The following RBM27 variants were observed in gnomAD, a reference collection of about 807,000 sequenced individuals.
RBM27 encodes RNA-binding protein 27.
RBM27 carries 22 observed loss-of-function variants against 135.3 expected under a neutral mutation model. The observed-to-expected ratio is 0.16, with a 90% confidence interval of 0.12 to 0.23. The LOEUF (loss-of-function observed/expected upper bound fraction) is 0.23. Among genes scored for constraint, RBM27 ranks in the 10% least tolerant of loss-of-function variants. RBM27 has a pLI of 1.00. For synonymous variants in RBM27, 481 were observed against 442.4 expected (o/e 1.09, Z -1.10); for missense variants, 1,009 against 1,281.0 (o/e 0.79, Z 3.24).
intron 3 of RBM27, 80 bp downstream of exon 3, chr5:146,223,607 T>A: frequency 6.9e-7 from 1 of 1,457,436 alleles, no homozygotes; most frequent in Non-Finnish European, 9.2e-7. Flanking sequence ...TTGAGCCTTT[T>A]AAAAGTAATT....
chr5:146,252,722 G>C (rs1043431626), intron 9 of RBM27, among the ~76,000 whole-genome samples: 4 of 152,160 alleles, frequency 2.6e-5, no homozygotes, highest in African/African-American at 9.7e-5. Flanking sequence ...TTCAAACTGT[G>C]TCATCCTTAA....
intron 13 of RBM27, 130 bp from the exon 14 acceptor site, chr5:146,263,361 A>G: frequency 1.2e-6 from 1 of 832,430 alleles, no homozygotes; most frequent in Non-Finnish European, 1.8e-6. Flanking sequence ...ATAAAACCTT[A>G]CGGATAATTG....
chr5:146,261,488 A>G (rs770645232), intron 12 of RBM27, 22 bp from the exon 13 acceptor site: 2 of 1,588,370 alleles, frequency 1.3e-6, no homozygotes, highest in Non-Finnish European at 1.7e-6. Flanking sequence ...TTGGGAATTT[A>G]TATTGTTTTA....
At chr5:146,270,013 A>T (rs1758794818) in intron 17 of RBM27, among the ~76,000 whole-genome samples, 1 of 152,180 alleles carries the variant, frequency 6.6e-6, no homozygotes, top group African/African-American at 2.4e-5. Context: ...TATTAAAGTG[A>T]TGGTGGTGAA....
At chr5:146,204,905 C>CT (rs200622598) in intron 1 of RBM27, among the ~76,000 whole-genome samples, 59 of 148,646 alleles carry the variant, frequency 4.0e-4, no homozygotes, top group African/African-American at 6.4e-4. Flanking sequence ...GTTTTATAAC[C>CT]TTTTTTTTTT....
At chr5:146,239,472 C>CTTTTTTTTT (rs916182587) in intron 8 of RBM27, among the ~76,000 whole-genome samples, 10 of 55,358 alleles carry the variant, frequency 1.8e-4, no homozygotes, top group African/African-American at 2.5e-4. Flanking sequence ...TTTTCCTTTT[C>CTTTTTTTTT]TTTTTTTTTT....
chr5:146,212,205 G>A lies in RBM27; in HGVS notation c.60-6780G>A, dbSNP rs185631626. 5.9e-3 allele frequency among the ~76,000 whole-genome samples: 898 copies of A among 152,126 alleles called. 9 individuals carry two copies. The highest frequency in any genetic ancestry group is 0.02 in the African/African-American group (843 of 41,506). Reference sequence around the variant, plus strand: ...CAAGTAACTGGGATTACAGGCACGCGCCACCACGCCTGGCTAATTTTTGTA... The same window carrying A: ...CAAGTAACTGGGATTACAGGCACGCACCACCACGCCTGGCTAATTTTTGTA... On this transcript the variant is annotated intron_variant, in intron 1 of 20. Coordinates refer to ENST00000265271, the MANE Select transcript of RBM27 (RefSeq NM_018989.2).
At position 146,267,785 on chromosome 5, in the gene RBM27, T is replaced by G; in HGVS notation, c.2451+17T>G. ...AAAAAACAGGTAACAGTCTTGATTC[T>G]TCTTGCCTTACAGAAGAAAAGATGC... On this transcript the variant is annotated intron_variant, in intron 15 of 20. Coordinates refer to ENST00000265271, the MANE Select transcript of RBM27 (RefSeq NM_018989.2). 6.3e-7 allele frequency: 1 copy of G among 1,596,820 alleles called. No individual in the cohort carries two copies. The highest frequency in any genetic ancestry group is 1.4e-5 in the African/African-American group (1 of 73,758).
chr5:146,208,985 ATTG>A (rs1301092094), intron 1 of RBM27, among the ~76,000 whole-genome samples: 3 of 152,140 alleles, frequency 2.0e-5, no homozygotes, highest in Non-Finnish European at 2.9e-5. Flanking sequence ...TTTAATAGAC[ATTG>A]TTGTGTGAAT....
At chr5:146,231,610 ATTTT>A (rs1455447835) in intron 6 of RBM27, among the ~76,000 whole-genome samples, 2 of 151,844 alleles carry the variant, frequency 1.3e-5, no homozygotes, top group African/African-American at 4.8e-5. Flanking sequence ...TTTTAAAAGA[ATTTT>A]ATTTATTTAT....
Position 146,230,736 on chromosome 5 carries a change from A to G in RBM27, c.669A>G (p.Pro223=), listed in dbSNP as rs781204738. 8 of 1,614,004 alleles carry G rather than the reference A, an allele frequency of 5.0e-6. No individual in the cohort carries two copies. The highest frequency in any genetic ancestry group is 4.2e-6 in the Non-Finnish European group (5 of 1,179,870). The change falls in exon 6 of 21, where the codon CCA becomes CCG. Residue 223 remains proline (P), a synonymous_variant. Transcript: ENST00000265271. ...SSYVPVSAPP[P]NSSEQYSSGA... is the part of the protein sequence containing the mutation. ...ATGTGCCTGTGTCTGCACCACCTCC[A>G]AACTCTTCTGAGCAGTATTCCTCTG...
At chr5:146,206,517 T>C (rs1755671862) in intron 1 of RBM27, among the ~76,000 whole-genome samples, 1 of 150,932 alleles carries the variant, frequency 6.6e-6, no homozygotes, top group African/African-American at 2.4e-5. Context: ...GTTCACATGC[T>C]TATTTTTTTT....
chr5:146,225,103 C>T (rs1554078668), intron 3 of RBM27, among the ~76,000 whole-genome samples: 1 of 151,968 alleles, frequency 6.6e-6, no homozygotes, highest in Non-Finnish European at 1.5e-5. Context: ...AAGCAATGTC[C>T]TTTTTTTATT....
intron 3 of RBM27, among the ~76,000 whole-genome samples, chr5:146,228,302 T>TTG (rs1756766875): frequency 6.8e-6 from 1 of 148,130 alleles, no homozygotes; most frequent in Non-Finnish European, 1.5e-5. Flanking sequence ...TTTTTTTTTT[T>TTG]GAGACAAAGT....
chr5:146,222,562 T>A (rs1319100690), intron 2 of RBM27, among the ~76,000 whole-genome samples: 1 of 152,204 alleles, frequency 6.6e-6, no homozygotes, highest in African/African-American at 2.4e-5. Context: ...CACATGCCTG[T>A]AATCCCACCT....
intron 1 of RBM27, among the ~76,000 whole-genome samples, chr5:146,212,210 C>T (rs370413480): frequency 7.3e-4 from 111 of 152,184 alleles, no homozygotes; most frequent in Middle Eastern, 3.4e-3. Context: ...CACGCGCCAC[C>T]ACGCCTGGCT....
At chr5:146,236,148 C>G (rs1296424995) in intron 7 of RBM27, among the ~76,000 whole-genome samples, 1 of 152,156 alleles carries the variant, frequency 6.6e-6, no homozygotes, top group African/African-American at 2.4e-5. Context: ...AAGTTAAATT[C>G]AAGAATACCA....
At chr5:146,240,001 A>G (rs1757335329) in intron 8 of RBM27, among the ~76,000 whole-genome samples, 1 of 151,408 alleles carries the variant, frequency 6.6e-6, no homozygotes, top group African/African-American at 2.4e-5. Context: ...CTGGTCTCAA[A>G]TTTCTGGGCT....
At chr5:146,235,980 G>C (rs569645838) in intron 7 of RBM27, among the ~76,000 whole-genome samples, 2 of 152,086 alleles carry the variant, frequency 1.3e-5, no homozygotes, top group African/African-American at 4.8e-5. Context: ...GTGAGCCACC[G>C]TGCCCAGCCC....
Sources: gnomAD v4.1 joint callset for allele counts (sites outside exome capture counted in the v4.1 genomes callset) on GRCh38, gnomAD v4.1.1 for gene constraint, MANE v1.5 for transcripts, NCBI Gene and HGNC (gene_info 2026-07-23, HGNC 2026-07-21) for gene names.